BRAF: variants seen among roughly 807,000 people sequenced by gnomAD.
BRAF encodes serine/threonine-protein kinase B-raf.
A neutral mutation model predicts 104.6 loss-of-function variants in BRAF; 16 were observed. That is an observed-to-expected ratio of 0.15 (90% CI 0.10 to 0.23). The LOEUF is 0.23. Ranked by LOEUF, BRAF falls within the 10% of genes least tolerant of loss-of-function variation. The probability of loss-of-function intolerance (pLI) is 1.00; values close to 1 mark genes in which losing one functional copy is unlikely to be tolerated. For missense variants in BRAF, 541 were observed against 937.3 expected (o/e 0.58, Z 5.52); for synonymous variants, 310 against 341.6 (o/e 0.91, Z 1.02).
At chr7:140,846,682 G>A (rs1808578605) in intron 2 of BRAF, among the ~76,000 whole-genome samples, 1 of 151,954 alleles carries the variant, frequency 6.6e-6, no homozygotes. Context: ...ATTTTGTTAG[G>A]CATATTTTAC....
At position 140,801,668 on chromosome 7, in the gene BRAF, T is replaced by C; in HGVS notation, c.712-108A>G. 11 of 1,211,980 alleles carry C rather than the reference T, an allele frequency of 9.1e-6. 1 individual carries two copies. In the South Asian group the frequency reaches 1.5e-4, roughly 17 times the overall value. The allele number at this position is 1,211,980 out of a possible 1,614,324, so 75.1% of individuals were successfully genotyped here. Reference sequence around the variant, plus strand: ...ATAACAAAGTTGTAATATATTTATATCATGAAACTCACATACTAAAGTACT... The same window carrying C: ...ATAACAAAGTTGTAATATATTTATACCATGAAACTCACATACTAAAGTACT... On this transcript the variant is annotated intron_variant, in intron 5 of 19. Coordinates refer to ENST00000644969, the MANE Select transcript of BRAF (RefSeq NM_001374258.1).
chr7:140,887,681 T>C (rs1477487556), intron 1 of BRAF, among the ~76,000 whole-genome samples: 1 of 152,174 alleles, frequency 6.6e-6, no homozygotes, highest in Non-Finnish European at 1.5e-5. Flanking sequence ...ATTTAGTTAA[T>C]GTGTTCATCT....
At chr7:140,916,837 A>G (rs1817683295) in intron 1 of BRAF, among the ~76,000 whole-genome samples, 1 of 152,208 alleles carries the variant, frequency 6.6e-6, no homozygotes, top group Non-Finnish European at 1.5e-5. Context: ...TGGTAACAAG[A>G]AATTAAAAAG....
At chr7:140,777,864 A>AT (rs1273488515) in intron 13 of BRAF, 127 bp downstream of exon 12, 10 of 941,986 alleles carry the variant, frequency 1.1e-5, no homozygotes, top group Non-Finnish European at 1.5e-5. Context: ...ATACTCAGAC[A>AT]TACTCTGTTT....
chr7:140,798,272 C>CTTTTTTTCTTT (rs1554402874), intron 7 of BRAF, among the ~76,000 whole-genome samples: 1 of 115,624 alleles, frequency 8.6e-6, no homozygotes, highest in African/African-American at 3.5e-5. Flanking sequence ...CTTTTTTTTT[C>CTTTTTTTCTTT]TTTTTTTTGA....
intron 1 of BRAF, among the ~76,000 whole-genome samples, chr7:140,871,430 A>T (rs1352645134): frequency 1.3e-5 from 2 of 152,108 alleles, no homozygotes; most frequent in African/African-American, 2.4e-5. Context: ...TATTGAGAAG[A>T]AGTACCCATA....
intron 2 of BRAF, among the ~76,000 whole-genome samples, chr7:140,841,291 G>T (rs1009526008): frequency 6.6e-6 from 1 of 152,220 alleles, no homozygotes; most frequent in East Asian, 1.9e-4. Flanking sequence ...TTGCTGTTAG[G>T]AATACAAAAT....
rs181836178 is a variant in BRAF at position 140,726,482 on chromosome 7, C to A, written c.*12G>T. 78 of 1,536,388 alleles carry A rather than the reference C, an allele frequency of 5.1e-5. No homozygotes were observed. In the African/African-American group the frequency reaches 1.0e-3, roughly 20 times the overall value. ...ACTTAAGAAATAAGAGCAGATGCTG[C>A]CATGATGGTGGCTACTTGAAGGCTG... On this transcript the variant is annotated 3_prime_UTR_variant, in exon 20 of 20. Transcript: ENST00000644969.
intron 1 of BRAF, among the ~76,000 whole-genome samples, chr7:140,912,772 T>G (rs1295111213): frequency 6.6e-6 from 1 of 152,226 alleles, no homozygotes; most frequent in Admixed American, 6.5e-5. Flanking sequence ...GGTCTCGAAC[T>G]CCTCACCTCG....
chr7:140,797,872 C>A (rs1445024407), intron 7 of BRAF, among the ~76,000 whole-genome samples: 2 of 151,932 alleles, frequency 1.3e-5, no homozygotes, highest in Non-Finnish European at 2.9e-5. Flanking sequence ...TTTGATTTGA[C>A]CATCTAAAAA....
chr7:140,781,755 A>G, intron 11 of BRAF, 62 bp from the exon 11 acceptor site: 1 of 1,326,720 alleles, frequency 7.5e-7, no homozygotes. Flanking sequence ...CTTATGTTTC[A>G]CCCTAAGTAC....
chr7:140,808,810 T>C, intron 4 of BRAF, 82 bp downstream of exon 4: 2 of 1,138,014 alleles, frequency 1.8e-6, no homozygotes, highest in Middle Eastern at 2.9e-4. Flanking sequence ...CCCTAGGTTT[T>C]GGTAAAGATC....
chr7:140,793,833 C>A lies in BRAF; in HGVS notation c.1140+475G>T, dbSNP rs140236652. Among the ~76,000 whole-genome samples the A allele has an allele frequency of 2.9e-3, 439 of 152,238 alleles. 1 individual carries two copies. Among genetic ancestry groups the A allele is most frequent in the Admixed American group, 4.2e-3 (65 of 15,310 alleles). On this transcript the variant is annotated intron_variant, in intron 8 of 19. Transcript: ENST00000644969. ...GTAGAGATGGGGTCTCACTATGTTG[C>A]CTAGGCTGGTCTCTAACTTCTGGGT...
At chr7:140,746,171 A>ATC (rs1797331075) in intron 17 of BRAF, among the ~76,000 whole-genome samples, 1 of 152,246 alleles carries the variant, frequency 6.6e-6, no homozygotes, top group Non-Finnish European at 1.5e-5. Flanking sequence ...TATAACTGGA[A>ATC]TAATACACTT....
At chr7:140,718,258 CTTTT>C (rs1265058316), downstream of BRAF, among the ~76,000 whole-genome samples, 13 of 151,478 alleles carry the variant, frequency 8.6e-5, no homozygotes, top group African/African-American at 4.9e-5. Context: ...CCATGCCCAG[CTTTT>C]TTTTATTTCT....
In BRAF at chr7:140,911,421, G is replaced by A. The variant is rs531908552; in HGVS notation, c.138+13145C>T. On this transcript the variant is annotated intron_variant, in intron 1 of 19. Transcript: ENST00000644969. ...TATGACTGAACAGTGCAGGTCTAGAGGAAAAAGAAATACCTATTAACAAAA... is the reference window on the plus strand; with the variant it reads ...TATGACTGAACAGTGCAGGTCTAGAAGAAAAAGAAATACCTATTAACAAAA... Among the ~76,000 whole-genome samples the A allele has an allele frequency of 4.6e-5, 7 of 152,170 alleles. No homozygotes were observed. The South Asian group carries it at 1.5e-3, about 32-fold the overall frequency.
intron 17 of BRAF, among the ~76,000 whole-genome samples, chr7:140,742,190 TTTTG>T (rs1456850406): frequency 5.9e-5 from 9 of 151,750 alleles, no homozygotes; most frequent in African/African-American, 2.2e-4. Context: ...GTGGGGTTTT[TTTTG>T]TTTTTGTTTT....
intron 14 of BRAF, among the ~76,000 whole-genome samples, chr7:140,771,682 A>G (rs147369828): frequency 1.3e-5 from 2 of 152,344 alleles, no homozygotes; most frequent in African/African-American, 4.8e-5. Flanking sequence ...GCAAAAGTAC[A>G]TATTAAGAGG....
chr7:140,886,251 T>C (rs1377250125), intron 1 of BRAF, among the ~76,000 whole-genome samples: 3 of 152,236 alleles, frequency 2.0e-5, no homozygotes, highest in African/African-American at 7.2e-5. Context: ...CCTTTCTCTC[T>C]GACCTACTAC....
Sources: gnomAD v4.1 joint callset for allele counts (sites outside exome capture counted in the v4.1 genomes callset) on GRCh38, gnomAD v4.1.1 for gene constraint, MANE v1.5 for transcripts, NCBI Gene and HGNC (gene_info 2026-07-23, HGNC 2026-07-21) for gene names.